The following SNX29 variants were observed in gnomAD, a reference collection of about 807,000 sequenced individuals.
SNX29 encodes sorting nexin 29.
In SNX29, 78 loss-of-function variants were observed where a neutral mutation model predicts 102.1. The ratio of observed to expected loss-of-function variants is 0.76; its 90% CI spans 0.64 to 0.92. The LOEUF (loss-of-function observed/expected upper bound fraction) is 0.92, where lower values mean the gene tolerates loss of function less well. SNX29 is among the 40% of genes least tolerant of loss of function. The probability of loss-of-function intolerance (pLI) is 0.00; values close to 1 mark genes in which losing one functional copy is unlikely to be tolerated. For synonymous variants in SNX29, 580 were observed against 414.5 expected (o/e 1.40, Z -4.85); for missense variants, 1,280 against 1,061.7 (o/e 1.21, Z -2.86).
At chr16:12,176,520 AAAC>A (rs1168175878) in intron 13 of SNX29, among the ~76,000 whole-genome samples, 5 of 152,232 alleles carry the variant, frequency 3.3e-5, no homozygotes, top group African/African-American at 1.2e-4. Context: ...CAATAATAGA[AAAC>A]AACACAAATA....
At chr16:12,227,757 A>G (rs1308105961) in intron 14 of SNX29, among the ~76,000 whole-genome samples, 4 of 151,958 alleles carry the variant, frequency 2.6e-5, no homozygotes, top group African/African-American at 4.8e-5. Context: ...AAAAGTAGCC[A>G]GGCATGGTGG....
At chr16:12,373,481 T>C (rs1396896961) in intron 16 of SNX29, among the ~76,000 whole-genome samples, 1 of 152,208 alleles carries the variant, frequency 6.6e-6, no homozygotes, top group Non-Finnish European at 1.5e-5. Flanking sequence ...AAGAGAGTTG[T>C]ATGAGGTTTT....
chr16:12,040,773 C>T (rs998926198), intron 4 of SNX29, among the ~76,000 whole-genome samples: 2 of 152,182 alleles, frequency 1.3e-5, no homozygotes, highest in Non-Finnish European at 2.9e-5. Context: ...ATAAATGAAT[C>T]AGGATACAAA....
intron 15 of SNX29, among the ~76,000 whole-genome samples, chr16:12,305,142 T>C (rs1363555675): frequency 6.6e-6 from 1 of 152,226 alleles, no homozygotes; most frequent in East Asian, 1.9e-4. Flanking sequence ...CTGTGGGAAC[T>C]AGAATTTCGA....
At chr16:12,560,634 C>T (rs373366904) in intron 20 of SNX29, 2 of 154,170 alleles carry the variant, frequency 1.3e-5, no homozygotes, top group Admixed American at 6.5e-5. Context: ...ACATCCCCAC[C>T]TTGTGCCACC....
At chr16:12,525,200 C>A (rs150452302) in intron 20 of SNX29, among the ~76,000 whole-genome samples, 1 of 152,102 alleles carries the variant, frequency 6.6e-6, no homozygotes, top group East Asian at 1.9e-4. Flanking sequence ...GTTTCTCAAG[C>A]TTGGGTAATG....
At chr16:12,513,467 T>A (rs2089726567) in intron 19 of SNX29, among the ~76,000 whole-genome samples, 1 of 151,858 alleles carries the variant, frequency 6.6e-6, no homozygotes, top group African/African-American at 2.4e-5. Flanking sequence ...GCTCTCTCCT[T>A]CCCTTCCGTA....
intron 13 of SNX29, among the ~76,000 whole-genome samples, chr16:12,199,219 G>A (rs1022001990): frequency 6.6e-6 from 1 of 152,208 alleles, no homozygotes; most frequent in Non-Finnish European, 1.5e-5. Flanking sequence ...CATTCCCCAG[G>A]GTGAATGCAC....
chr16:12,150,973 C>T (rs2055273953), intron 13 of SNX29, among the ~76,000 whole-genome samples: 1 of 152,184 alleles, frequency 6.6e-6, no homozygotes, highest in South Asian at 2.1e-4. Context: ...AGGACCTTCC[C>T]AGCAAAGATA....
intron 14 of SNX29, among the ~76,000 whole-genome samples, chr16:12,273,748 C>T (rs1034914806): frequency 6.6e-6 from 1 of 152,178 alleles, no homozygotes; most frequent in Non-Finnish European, 1.5e-5. Context: ...GCCTGATACC[C>T]TTTAGCAGTA....
At chr16:11,990,852 G>A (rs558510580) in intron 1 of SNX29, among the ~76,000 whole-genome samples, 3 of 152,274 alleles carry the variant, frequency 2.0e-5, no homozygotes, top group African/African-American at 7.2e-5. Flanking sequence ...TACAAACTCC[G>A]ACACTATTGT....
intron 18 of SNX29, among the ~76,000 whole-genome samples, chr16:12,442,711 C>T (rs937061303): frequency 6.6e-6 from 1 of 152,062 alleles, no homozygotes; most frequent in Non-Finnish European, 1.5e-5. Context: ...CCACCTCAAC[C>T]TCTCGAGTAG....
At chr16:12,436,658 C>A (rs376314849) in intron 18 of SNX29, among the ~76,000 whole-genome samples, 1 of 152,196 alleles carries the variant, frequency 6.6e-6, no homozygotes, top group African/African-American at 2.4e-5. Flanking sequence ...ACTTTCTGAC[C>A]GGGGGACTTT....
At chr16:12,200,585 C>T (rs1029840521) in intron 14 of SNX29, among the ~76,000 whole-genome samples, 6 of 151,996 alleles carry the variant, frequency 3.9e-5, no homozygotes, top group Non-Finnish European at 7.4e-5. Flanking sequence ...TGGGTTCAAG[C>T]GATTCTCCTG....
At chr16:12,068,822 G>A (rs139990232) in intron 9 of SNX29, among the ~76,000 whole-genome samples, 27 of 152,268 alleles carry the variant, frequency 1.8e-4, no homozygotes, top group Non-Finnish European at 3.2e-4. Flanking sequence ...GGAGTGAGCC[G>A]CCATGCCCGG....
chr16:12,381,901 G>A lies in SNX29; in HGVS notation c.1900-16545G>A, dbSNP rs554252191. On this transcript the variant is annotated intron_variant, in intron 16 of 20. Coordinates refer to ENST00000566228, the MANE Select transcript of SNX29 (RefSeq NM_032167.5). The stretch of plus-strand genomic sequence containing the variant: ...CATCCTCCCATTCACCCCCACTCCC[G>A]TCATCCATCTACCCACCCCACCCAC... 2.8e-5 allele frequency among the ~76,000 whole-genome samples: 4 copies of A among 143,552 alleles called. No individual in the cohort carries two copies. The South Asian group carries it at 6.8e-4, about 25-fold the overall frequency. 94.2% of individuals were successfully genotyped at this position (143,552 alleles called of 152,430 possible). A position where few individuals can be genotyped will look rare whatever the true frequency, so the allele number is the denominator to read the frequency against.
chr16:12,136,526 C>T (rs1166223006), intron 13 of SNX29, among the ~76,000 whole-genome samples: 2 of 152,202 alleles, frequency 1.3e-5, no homozygotes, highest in African/African-American at 2.4e-5. Context: ...AGGTCACTTT[C>T]TTCAAGCACT....
intron 14 of SNX29, among the ~76,000 whole-genome samples, chr16:12,226,122 T>A (rs1218098448): frequency 6.6e-6 from 1 of 152,218 alleles, no homozygotes; most frequent in Non-Finnish European, 1.5e-5. Context: ...ACTTACATCA[T>A]CTGAAGAACG....
At chr16:12,524,658 G>A (rs1159047480) in intron 19 of SNX29, 44 bp from the exon 20 acceptor site, 37 of 1,600,784 alleles carry the variant, frequency 2.3e-5, no homozygotes, top group South Asian at 3.4e-5. Context: ...TTCTGACCAG[G>A]TGAGGAAGAC....
Sources: gnomAD v4.1 joint callset for allele counts (sites outside exome capture counted in the v4.1 genomes callset) on GRCh38, gnomAD v4.1.1 for gene constraint, MANE v1.5 for transcripts, NCBI Gene and HGNC (gene_info 2026-07-23, HGNC 2026-07-21) for gene names.